Variants in OIT3 observed in about 807,000 individuals in gnomAD.
The protein encoded by OIT3 is oncoprotein-induced transcript 3 protein.
A neutral mutation model predicts 52.2 loss-of-function variants in OIT3; 41 were observed. That is an observed-to-expected ratio of 0.79 (90% CI 0.61 to 1.02). The LOEUF (loss-of-function observed/expected upper bound fraction) is 1.02. Ranked by LOEUF, OIT3 falls within the 50% of genes least tolerant of loss-of-function variation. The pLI, the probability that OIT3 is intolerant of heterozygous loss-of-function variation, is 0.00. For missense variants in OIT3, 634 were observed against 715.5 expected (o/e 0.89, Z 1.30); for synonymous variants, 244 against 276.9 (o/e 0.88, Z 1.18).
chr10:72,932,587 C>T lies in OIT3; in HGVS notation c.*63C>T. On this transcript the variant is annotated 3_prime_UTR_variant, in exon 9 of 9. Coordinates refer to ENST00000334011, the MANE Select transcript of OIT3 (RefSeq NM_152635.3). ...CTGCTCTTTGGAGCTTCTCCCCCCA[C>T]CGCCCTCTAAGAACATCTGCCAACA... 6.9e-7 allele frequency: 1 copy of T among 1,449,338 alleles called. No homozygotes were observed. Among genetic ancestry groups the T allele is most frequent in the Non-Finnish European group, 9.3e-7 (1 of 1,072,954 alleles). 89.8% of individuals were successfully genotyped at this position (1,449,338 alleles called of 1,614,324 possible).
intron 3 of OIT3, among the ~76,000 whole-genome samples, chr10:72,904,644 A>G (rs1845963008): frequency 6.6e-6 from 1 of 151,966 alleles, no homozygotes; most frequent in African/African-American, 2.4e-5. Flanking sequence ...CTTTTTACTA[A>G]TTCTTTAAAT....
At chr10:72,908,072 G>A (rs546776217) in intron 4 of OIT3, among the ~76,000 whole-genome samples, 15 of 152,082 alleles carry the variant, frequency 9.9e-5, no homozygotes, top group South Asian at 4.2e-4. Flanking sequence ...GTAAAACCCC[G>A]TCTCTATTAA....
intron 6 of OIT3, among the ~76,000 whole-genome samples, chr10:72,921,229 C>T (rs1203948986): frequency 6.6e-6 from 1 of 152,172 alleles, no homozygotes; most frequent in Non-Finnish European, 1.5e-5. Context: ...TTGTTGGAAG[C>T]TAGGATTGCA....
intron 7 of OIT3, among the ~76,000 whole-genome samples, chr10:72,928,183 G>A (rs1427122974): frequency 2.6e-5 from 4 of 152,052 alleles, no homozygotes; most frequent in South Asian, 2.1e-4. Context: ...TTTGGTTGGC[G>A]TATGCTCTGA....
Position 72,898,804 on chromosome 10 carries a change from G to A in OIT3, c.202G>A (p.Asp68Asn). The A allele has an allele frequency of 6.2e-7, 1 of 1,613,988 alleles. No individual in the cohort carries two copies. Among genetic ancestry groups the A allele is most frequent in the South Asian group, 1.1e-5 (1 of 91,078 alleles). The change falls in exon 2 of 9, where the codon GAT becomes AAT. Residue 68 changes from aspartate to asparagine, a missense_variant. Physicochemically the swap from Asp to Asn is conservative, Grantham distance 23. Coordinates refer to ENST00000334011, the MANE Select transcript of OIT3 (RefSeq NM_152635.3). Reference protein sequence around the residue: ...EWYHFTGMAGDAMPTFCIPEN... With the variant: ...EWYHFTGMAGNAMPTFCIPEN... ...GTACCACTTCACGGGCATGGCGGGA[G>A]ATGCCATGCCTACCTTCTGCATACC...
At chr10:72,904,880 G>A (rs2132930323) in intron 3 of OIT3, among the ~76,000 whole-genome samples, 1 of 152,204 alleles carries the variant, frequency 6.6e-6, no homozygotes, top group South Asian at 2.1e-4. Flanking sequence ...AAAGAAAATG[G>A]GTTTATTTGG....
At position 72,913,628 on chromosome 10, in the gene OIT3, T is replaced by TA. The variant is rs1287727990; in HGVS notation, c.951+161dup. 19 of 715,328 alleles carry TA rather than the reference T, an allele frequency of 2.7e-5. No homozygotes were observed. In the Admixed American group the frequency reaches 3.6e-4, roughly 14 times the overall value. 44.3% of individuals were successfully genotyped at this position (715,328 alleles called of 1,614,324 possible). ...TACGTCATTCTTTTAACCAACGTGT[T>TA]ATTGAGCATCTGCTGTGGTCCTGGC... On this transcript the variant is annotated intron_variant, in intron 6 of 8. Transcript: ENST00000334011.
At chr10:72,921,001 C>T (rs1846116435) in intron 6 of OIT3, among the ~76,000 whole-genome samples, 1 of 152,144 alleles carries the variant, frequency 6.6e-6, no homozygotes, top group Non-Finnish European at 1.5e-5. Flanking sequence ...TCTTGATGAT[C>T]TAATATTGTC....
At chr10:72,924,161 G>GA (rs1203092085) in intron 6 of OIT3, 68 bp from the exon 7 acceptor site, 64 of 1,329,542 alleles carry the variant, frequency 4.8e-5, no homozygotes, top group East Asian at 7.0e-5. Context: ...AAGGTGAGAG[G>GA]AGGGGGAAAA....
At chr10:72,894,559 C>G (rs1468571675) in intron 1 of OIT3, among the ~76,000 whole-genome samples, 1 of 152,086 alleles carries the variant, frequency 6.6e-6, no homozygotes, top group East Asian at 1.9e-4. Flanking sequence ...CATGGTTGCT[C>G]TAGTACCTGA....
intron 1 of OIT3, among the ~76,000 whole-genome samples, chr10:72,896,301 G>A (rs1376841668): frequency 6.6e-6 from 1 of 152,164 alleles, no homozygotes; most frequent in Non-Finnish European, 1.5e-5. Flanking sequence ...CTATGACTCT[G>A]TAATCACCTG....
At chr10:72,912,496 C>G (rs1443469788) in intron 5 of OIT3, among the ~76,000 whole-genome samples, 1 of 151,994 alleles carries the variant, frequency 6.6e-6, no homozygotes, top group Non-Finnish European at 1.5e-5. Context: ...GTCTCGAACT[C>G]CTGACCTCAA....
chr10:72,919,931 A>G (rs1434129758), intron 6 of OIT3, among the ~76,000 whole-genome samples: 1 of 152,094 alleles, frequency 6.6e-6, no homozygotes, highest in African/African-American at 2.4e-5. Context: ...TGTCTCTGCC[A>G]GATTTTGGTT....
At position 72,897,403 on chromosome 10, in the gene OIT3, A is replaced by C. The variant is rs1474702236; in HGVS notation, c.62-1261A>C. ...TATTTGTCCTTGTAATTTATGCACTAAATATGTATGCCTGAGAAACTTGGC... is the reference window on the plus strand; with the variant it reads ...TATTTGTCCTTGTAATTTATGCACTCAATATGTATGCCTGAGAAACTTGGC... On this transcript the variant is annotated intron_variant, in intron 1 of 8. Coordinates refer to ENST00000334011, the MANE Select transcript of OIT3 (RefSeq NM_152635.3). 3.9e-5 allele frequency among the ~76,000 whole-genome samples: 6 copies of C among 152,328 alleles called. No individual in the cohort carries two copies. In the East Asian group the frequency reaches 1.2e-3, roughly 29 times the overall value.
At chr10:72,899,152 C>G in intron 2 of OIT3, 114 bp downstream of exon 2, 1 of 902,188 alleles carries the variant, frequency 1.1e-6, no homozygotes, top group Non-Finnish European at 1.7e-6. Flanking sequence ...ATCTGAACAA[C>G]ATTGATGTGG....
chr10:72,899,334 C>A (rs146304042), intron 2 of OIT3, among the ~76,000 whole-genome samples: 2 of 152,134 alleles, frequency 1.3e-5, no homozygotes, highest in Non-Finnish European at 2.9e-5. Flanking sequence ...CAGTGGCTCA[C>A]GCCTGTAATC....
intron 6 of OIT3, among the ~76,000 whole-genome samples, chr10:72,921,549 T>C (rs2132944917): frequency 6.6e-6 from 1 of 152,284 alleles, no homozygotes; most frequent in East Asian, 1.9e-4. Context: ...GTAAGGCAGG[T>C]GTGGTGGTAA....
chr10:72,918,026 GTCA>G (rs368236923), intron 6 of OIT3: 8,752 of 799,534 alleles, frequency 0.011, 63 homozygotes, highest in East Asian at 0.033. Flanking sequence ...CTTCTTCATC[GTCA>G]TCATCATCAT....
At chr10:72,900,555 C>T in intron 3 of OIT3, 71 bp downstream of exon 3, 1 of 774,314 alleles carries the variant, frequency 1.3e-6, no homozygotes, top group South Asian at 1.6e-5. Flanking sequence ...CTTCCTGCCT[C>T]AGAGCACCAT....
Sources: gnomAD v4.1 joint callset for allele counts (sites outside exome capture counted in the v4.1 genomes callset) on GRCh38, gnomAD v4.1.1 for gene constraint, MANE v1.5 for transcripts, NCBI Gene and HGNC (gene_info 2026-07-23, HGNC 2026-07-21) for gene names.